The following LRRC20 variants were observed in gnomAD, a reference collection of about 807,000 sequenced individuals.
LRRC20 encodes the protein leucine rich repeat containing 20, also known as leucine-rich repeat-containing protein 20.
LRRC20 carries 11 observed loss-of-function variants against 14.4 expected under a neutral mutation model. The ratio of observed to expected loss-of-function variants is 0.77; its 90% CI spans 0.48 to 1.27. The LOEUF (loss-of-function observed/expected upper bound fraction) is 1.27, where lower values mean the gene tolerates loss of function less well. Ranked by LOEUF, LRRC20 falls within the 50% of genes most tolerant of loss-of-function variation. LRRC20 has a pLI of 0.00. For missense variants in LRRC20, 219 were observed against 251.2 expected, an observed-to-expected ratio of 0.87 and a Z score of 0.87; for synonymous variants, 121 against 107.3, an observed-to-expected ratio of 1.13 and a Z score of -0.79.
intron 2 of LRRC20, among the ~76,000 whole-genome samples, chr10:70,357,222 ACTCCG>A (rs2137084308): frequency 6.6e-6 from 1 of 152,238 alleles, no homozygotes; most frequent in Non-Finnish European, 1.5e-5. Context: ...ATGGGAAAGG[ACTCCG>A]CATGGTACAG....
At chr10:70,317,997 T>G (rs761305142) in intron 4 of LRRC20, among the ~76,000 whole-genome samples, 2 of 152,254 alleles carry the variant, frequency 1.3e-5, no homozygotes, top group African/African-American at 2.4e-5. Flanking sequence ...GGCCAGATGT[T>G]GGCACAGTCC....
chr10:70,342,899 TC>T (rs1842966885), intron 2 of LRRC20, among the ~76,000 whole-genome samples: 1 of 152,158 alleles, frequency 6.6e-6, no homozygotes, highest in Admixed American at 6.5e-5. Context: ...GAAACTCTCA[TC>T]TTTTCCCCAA....
Position 70,323,898 on chromosome 10 carries a change from A to T in LRRC20, c.365T>A (p.Leu122Gln). ...FPEQLTALPA[L>Q]ETINLEENEI... ...GTTCTCCTCCAGGTTGATGGTCTCCAGCGCCGGCAGGGCGGTAAGCTGCTC... is the reference window on the plus strand; with the variant it reads ...GTTCTCCTCCAGGTTGATGGTCTCCTGCGCCGGCAGGGCGGTAAGCTGCTC... Residue 122 changes from leucine (L) to glutamine (Q), a missense_variant, in exon 4 of 5, where the codon CTG becomes CAG. Physicochemically the swap from Leu to Gln is moderately radical, Grantham distance 113. Transcript: ENST00000446961. The T allele has an allele frequency of 6.2e-7, 1 of 1,614,168 alleles. No homozygotes were observed.
chr10:70,373,541 G>A (rs1844390741), intron 2 of LRRC20, among the ~76,000 whole-genome samples: 1 of 152,194 alleles, frequency 6.6e-6, no homozygotes, highest in African/African-American at 2.4e-5. Context: ...TAAGGGTCAG[G>A]ATTACAGGTG....
chr10:70,350,743 G>C (rs1037053532), intron 2 of LRRC20, among the ~76,000 whole-genome samples: 4 of 152,222 alleles, frequency 2.6e-5, no homozygotes, highest in Non-Finnish European at 5.9e-5. Context: ...ACATGGGCTT[G>C]TGACCTAGCC....
At chr10:70,316,099 G>A (rs555519474) in intron 4 of LRRC20, among the ~76,000 whole-genome samples, 1 of 152,234 alleles carries the variant, frequency 6.6e-6, no homozygotes, top group South Asian at 2.1e-4. Flanking sequence ...GAGCCTGGAA[G>A]CCTTTTGTTG....
intron 2 of LRRC20, among the ~76,000 whole-genome samples, chr10:70,367,631 T>A (rs575314407): frequency 6.6e-6 from 1 of 152,050 alleles, no homozygotes; most frequent in South Asian, 2.1e-4. Context: ...TCCATTTCCA[T>A]GATATCCTAG....
At chr10:70,376,417 C>T in intron 2 of LRRC20, 35 bp downstream of exon 2, 1 of 1,605,220 alleles carries the variant, frequency 6.2e-7, no homozygotes, top group Admixed American at 1.7e-5. Context: ...ACAACTGCTT[C>T]CAGGGAAGTT....
intron 2 of LRRC20, among the ~76,000 whole-genome samples, chr10:70,347,556 C>A (rs1270716615): frequency 6.6e-6 from 1 of 152,080 alleles, no homozygotes; most frequent in Non-Finnish European, 1.5e-5. Context: ...CGGTGGCTCA[C>A]GTGTGTAATT....
intron 3 of LRRC20, among the ~76,000 whole-genome samples, chr10:70,338,788 G>A (rs2137010925): frequency 6.6e-6 from 1 of 152,150 alleles, no homozygotes; most frequent in East Asian, 1.9e-4. Flanking sequence ...AGCCTCCCAA[G>A]TAGTTGGGAT....
intron 4 of LRRC20, among the ~76,000 whole-genome samples, chr10:70,305,888 C>T (rs1841401382): frequency 6.6e-6 from 1 of 151,788 alleles, no homozygotes; most frequent in Admixed American, 6.6e-5. Context: ...CTACAGGTGC[C>T]CGCCACCACG....
intron 3 of LRRC20, among the ~76,000 whole-genome samples, chr10:70,338,589 C>T (rs1842795665): frequency 1.3e-5 from 2 of 152,184 alleles, no homozygotes; most frequent in African/African-American, 4.8e-5. Context: ...ATGAATAATG[C>T]TGCCATGAAC....
At position 70,340,580 on chromosome 10, in the gene LRRC20, A is replaced by C; in HGVS notation, c.205T>G (p.Phe69Val). The change falls in exon 3 of 5, where the codon TTC (phenylalanine) becomes GTC (valine). Residue 69 changes from phenylalanine to valine, a missense_variant. Transcript: ENST00000446961. ...CGGAGCTGACTGAATGTGGTCATGAACTTGCTGGTGAGGGACTTAAGCTCG... is the reference window on the plus strand; with the variant it reads ...CGGAGCTGACTGAATGTGGTCATGACCTTGCTGGTGAGGGACTTAAGCTCG... ...NNELKSLTSK[F>V]MTTFSQLREL... is the part of the protein sequence containing the mutation. 2.5e-6 allele frequency: 4 copies of C among 1,614,186 alleles called. No individual in the cohort carries two copies. Among genetic ancestry groups the C allele is most frequent in the Non-Finnish European group, 3.4e-6 (4 of 1,180,036 alleles).
At chr10:70,331,388 T>C (rs1842531041) in intron 3 of LRRC20, among the ~76,000 whole-genome samples, 1 of 152,262 alleles carries the variant, frequency 6.6e-6, no homozygotes, top group South Asian at 2.1e-4. Flanking sequence ...GCTTTCTTTT[T>C]ATCTCTTATA....
intron 2 of LRRC20, among the ~76,000 whole-genome samples, chr10:70,368,549 ACAGG>A (rs201902110): frequency 0.021 from 3,149 of 151,946 alleles, 93 homozygotes; most frequent in African/African-American, 0.072. Flanking sequence ...CACAAGGATT[ACAGG>A]CATCAGCCAC....
chr10:70,323,155 G>A (rs1055877106), intron 4 of LRRC20, among the ~76,000 whole-genome samples: 3 of 152,084 alleles, frequency 2.0e-5, no homozygotes, highest in African/African-American at 7.2e-5. Flanking sequence ...TGCTGCGGAG[G>A]GGAGGGCACA....
intron 4 of LRRC20, among the ~76,000 whole-genome samples, chr10:70,306,322 G>C (rs1841424428): frequency 6.6e-6 from 1 of 152,110 alleles, no homozygotes; most frequent in African/African-American, 2.4e-5. Flanking sequence ...GTGGTCAGGT[G>C]CCCTAACATC....
At chr10:70,335,332 G>A (rs1480720492) in intron 3 of LRRC20, among the ~76,000 whole-genome samples, 1 of 152,172 alleles carries the variant, frequency 6.6e-6, no homozygotes, top group Non-Finnish European at 1.5e-5. Context: ...CTTGGGGTCA[G>A]CAAGTCTCCA....
chr10:70,372,257 T>C (rs2127584), intron 2 of LRRC20, among the ~76,000 whole-genome samples: 10,415 of 152,266 alleles, frequency 0.068, 407 homozygotes, highest in South Asian at 0.15. Flanking sequence ...ACGTTCATTA[T>C]AGAACATTTA....
Sources: allele counts gnomAD v4.1 joint callset (sites outside exome capture counted in the v4.1 genomes callset), GRCh38; gene constraint gnomAD v4.1.1; transcripts MANE v1.5; gene names NCBI Gene and HGNC (gene_info 2026-07-23, HGNC 2026-07-21).